The following PSMA8 variants were observed in gnomAD, a reference collection of about 807,000 sequenced individuals.
PSMA8 encodes proteasome subunit alpha-type 8.
PSMA8 carries 18 observed loss-of-function variants against 32.4 expected under a neutral mutation model. The observed-to-expected ratio is 0.56, with a 90% CI of 0.38 to 0.82. PSMA8 has a LOEUF of 0.82. PSMA8 is among the 40% of genes least tolerant of loss of function. The pLI is 0.00. For missense variants in PSMA8, 298 were observed against 300.7 expected (o/e 0.99, Z 0.07); for synonymous variants, 104 against 98.1 (o/e 1.06, Z -0.36).
intron 4 of PSMA8, among the ~76,000 whole-genome samples, chr18:26,160,524 A>G (rs944046319): frequency 7.2e-5 from 11 of 152,178 alleles, no homozygotes; most frequent in East Asian, 1.9e-4. Context: ...CATTTTAGCT[A>G]TGAGATCAAG....
chr18:26,184,278 T>C (rs1250378894), intron 6 of PSMA8, among the ~76,000 whole-genome samples: 2 of 150,822 alleles, frequency 1.3e-5, no homozygotes, highest in Non-Finnish European at 3.0e-5. Context: ...TGTATCTTTT[T>C]ACCTTAGATG....
At chr18:26,172,549 T>C (rs1355339213) in intron 4 of PSMA8, among the ~76,000 whole-genome samples, 1 of 152,122 alleles carries the variant, frequency 6.6e-6, no homozygotes. Context: ...ATAGAGGAGG[T>C]TTCCTGAGCA....
At chr18:26,187,484 A>G (rs28688822) in intron 6 of PSMA8, among the ~76,000 whole-genome samples, 24,274 of 151,996 alleles carry the variant, frequency 0.16, 3,103 homozygotes, top group African/African-American at 0.35. Flanking sequence ...AAAGATATAG[A>G]ATGACTGAAT....
At chr18:26,164,659 T>C (rs1388858943) in intron 4 of PSMA8, among the ~76,000 whole-genome samples, 1 of 152,118 alleles carries the variant, frequency 6.6e-6, no homozygotes, top group African/African-American at 2.4e-5. Context: ...GCATGGAAAC[T>C]TTTCTAGTTT....
intron 6 of PSMA8, among the ~76,000 whole-genome samples, chr18:26,181,273 A>G (rs2055308887): frequency 6.6e-6 from 1 of 152,176 alleles, no homozygotes; most frequent in Non-Finnish European, 1.5e-5. Flanking sequence ...TTACTGTGCT[A>G]ATTGTTTTGG....
intron 6 of PSMA8, 140 bp downstream of exon 6, chr18:26,179,270 C>A: frequency 1.8e-6 from 1 of 552,628 alleles, no homozygotes. Flanking sequence ...TTCTGACCGT[C>A]TACCGGTTTT....
At chr18:26,171,591 G>A (rs568323940) in intron 4 of PSMA8, among the ~76,000 whole-genome samples, 7 of 152,204 alleles carry the variant, frequency 4.6e-5, no homozygotes, top group East Asian at 1.9e-4. Flanking sequence ...AAAATTAGCC[G>A]GGCTTGGTGG....
intron 4 of PSMA8, chr18:26,170,608 T>A (rs1555662810): frequency 1.6e-5 from 11 of 693,498 alleles, no homozygotes; most frequent in African/African-American, 3.3e-5. Flanking sequence ...GAATAAAAAC[T>A]AGTTGCTTAG....
intron 2 of PSMA8, among the ~76,000 whole-genome samples, chr18:26,151,335 G>A (rs988699791): frequency 6.6e-6 from 1 of 152,222 alleles, no homozygotes; most frequent in Non-Finnish European, 1.5e-5. Context: ...CATTGCATCA[G>A]TTAAAGTTCA....
Position 26,134,061 on chromosome 18 carries a change from C to T in PSMA8, c.96C>T (p.Ser32=). ...CCCAGGAAGCGGTGAAGAAAGGATC[C>T]ACCGCGGTGAGGAAGCAACTATTAC... ...EYAQEAVKKG[S]TAVGIRGTNI... The change falls in exon 1 of 7, where the codon TCC becomes TCT. Residue 32 remains serine (S), a synonymous_variant. Coordinates refer to ENST00000415576, the MANE Select transcript of PSMA8 (RefSeq NM_001025096.2). The T allele has an allele frequency of 6.2e-7, 1 of 1,612,312 alleles. No homozygotes were observed. The highest frequency in any genetic ancestry group is 8.5e-7 in the Non-Finnish European group (1 of 1,178,410).
chr18:26,166,492 G>T (rs976742928), intron 4 of PSMA8, among the ~76,000 whole-genome samples: 1 of 152,010 alleles, frequency 6.6e-6, no homozygotes. Flanking sequence ...AGTTCTTTTT[G>T]ATGAAACCAT....
intron 3 of PSMA8, among the ~76,000 whole-genome samples, chr18:26,157,686 T>C (rs1295894190): frequency 3.3e-5 from 5 of 152,194 alleles, no homozygotes; most frequent in African/African-American, 4.8e-5. Context: ...ATGTCCTTGA[T>C]AAAAATAGTG....
chr18:26,147,683 T>A (rs1211345544), intron 2 of PSMA8, among the ~76,000 whole-genome samples: 1 of 152,078 alleles, frequency 6.6e-6, no homozygotes, highest in Non-Finnish European at 1.5e-5. Context: ...AATATTGTAG[T>A]GCTAAATTTG....
chr18:26,159,835 C>T (rs1341826822), intron 4 of PSMA8, among the ~76,000 whole-genome samples: 1 of 151,858 alleles, frequency 6.6e-6, no homozygotes, highest in Non-Finnish European at 1.5e-5. Context: ...ACGTGGATAC[C>T]CCACTGATTA....
chr18:26,166,899 C>T (rs28833850), intron 4 of PSMA8, among the ~76,000 whole-genome samples: 83 of 152,126 alleles, frequency 5.5e-4, no homozygotes, highest in African/African-American at 1.8e-3. Flanking sequence ...AGTTTCTTTG[C>T]GAAAAATTAA....
chr18:26,143,076 G>A (rs776584175), intron 1 of PSMA8, among the ~76,000 whole-genome samples: 1 of 151,932 alleles, frequency 6.6e-6, no homozygotes, highest in Admixed American at 6.6e-5. Flanking sequence ...ATGGATTCCC[G>A]GCATCTTCTT....
chr18:26,172,284 C>T (rs1425826364), intron 4 of PSMA8, among the ~76,000 whole-genome samples: 3 of 152,178 alleles, frequency 2.0e-5, no homozygotes, highest in Non-Finnish European at 4.4e-5. Flanking sequence ...GAACAGAAAA[C>T]TTCTTATAGG....
At chr18:26,173,663 T>G (rs2144335394) in intron 4 of PSMA8, among the ~76,000 whole-genome samples, 2 of 152,130 alleles carry the variant, frequency 1.3e-5, no homozygotes, top group African/African-American at 4.8e-5. Context: ...TTCAAGCGAT[T>G]CTCCTGCCTC....
At chr18:26,188,756 T>A (rs1438038613) in intron 6 of PSMA8, among the ~76,000 whole-genome samples, 1 of 152,066 alleles carries the variant, frequency 6.6e-6, no homozygotes, top group Non-Finnish European at 1.5e-5. Context: ...GTTTCTTCAA[T>A]AAAGGATGCT....
Sources: allele counts gnomAD v4.1 joint callset (sites outside exome capture counted in the v4.1 genomes callset), GRCh38; gene constraint gnomAD v4.1.1; transcripts MANE v1.5; gene names NCBI Gene and HGNC (gene_info 2026-07-23, HGNC 2026-07-21).